PFKFB3: variants seen among roughly 807,000 people sequenced by gnomAD.
PFKFB3 encodes 6-phosphofructo-2-kinase/fructose-2,6-biphosphatase 3, also known as 6-phosphofructo-2-kinase/fructose-2,6-bisphosphatase 3.
In PFKFB3, 33 loss-of-function variants were observed where a neutral mutation model predicts 68.0. The observed-to-expected ratio is 0.49, with a 90% confidence interval of 0.37 to 0.65. The LOEUF is 0.65. PFKFB3 is among the 30% of genes least tolerant of loss of function. The probability of loss-of-function intolerance (pLI) is 0.00; values close to 1 mark genes in which losing one functional copy is unlikely to be tolerated. For missense variants in PFKFB3, 586 were observed against 712.2 expected (o/e 0.82, Z 2.02); for synonymous variants, 315 against 288.2 (o/e 1.09, Z -0.94).
At chr10:6,147,876 C>T (rs1841445184) in intron 1 of PFKFB3, among the ~76,000 whole-genome samples, 1 of 149,802 alleles carries the variant, frequency 6.7e-6, no homozygotes, top group African/African-American at 2.5e-5. Context: ...TCTGCTGGGA[C>T]ACAGAGCTGG....
At position 6,221,739 on chromosome 10, in the gene PFKFB3, CG is replaced by C; in HGVS notation, c.1081del (p.Glu361SerfsTer13). On this transcript the variant is annotated frameshift_variant, in exon 10 of 15. Coordinates refer to ENST00000379775, the MANE Select transcript of PFKFB3 (RefSeq NM_004566.4). LOFTEE classifies it high-confidence loss of function. ...ACAAGTACTATTACCGCTACCCCACCGGGGAGGTGAGCGCAGGCTGGGGCGG... is the reference window on the plus strand; with the variant it reads ...ACAAGTACTATTACCGCTACCCCACCGGGAGGTGAGCGCAGGCTGGGGCGG... ...QDKYYYRYPT[G>X]ESYQDLVQRL... 3 of 1,595,638 alleles carry C rather than the reference CG, an allele frequency of 1.9e-6. No individual in the cohort carries two copies. Among genetic ancestry groups the C allele is most frequent in the Non-Finnish European group, 8.5e-7 (1 of 1,171,934 alleles).
intron 1 of PFKFB3, among the ~76,000 whole-genome samples, chr10:6,177,480 CTTTCT>C (rs1564600010): frequency 5.0e-5 from 6 of 119,202 alleles, no homozygotes; most frequent in Admixed American, 4.6e-4. Flanking sequence ...TTCTTTCTTT[CTTTCT>C]TTTTCTTTTC....
At chr10:6,156,508 T>TTAC (rs1201580373) in intron 1 of PFKFB3, among the ~76,000 whole-genome samples, 1 of 151,422 alleles carries the variant, frequency 6.6e-6, no homozygotes, top group Non-Finnish European at 1.5e-5. Context: ...AATTAATTAC[T>TTAC]TTTTATTTAT....
chr10:6,195,900 C>T (rs949868746), intron 1 of PFKFB3, among the ~76,000 whole-genome samples: 14 of 152,200 alleles, frequency 9.2e-5, no homozygotes, highest in African/African-American at 3.1e-4. Context: ...CCCGTCACTA[C>T]TTAATGTGGC....
the PFKFB3 span, among the ~76,000 whole-genome samples, chr10:6,322,791 G>A: frequency 0.14 from 21,607 of 152,202 alleles, 1,651 homozygotes; most frequent in Non-Finnish European, 0.18. Context: ...TCTGAAAGAT[G>A]CCTTGCTGTC....
chr10:6,206,488 GTGGCCGGGCAGAGGGGCTCCTCA>G (rs1843702286), intron 1 of PFKFB3, among the ~76,000 whole-genome samples: 1 of 128,124 alleles, frequency 7.8e-6, no homozygotes, highest in Non-Finnish European at 1.6e-5. Context: ...AGACGGGGTG[GTGGCCGGGCAGAGGGGCTCCTCA>G]CTTCCCAGTA....
In PFKFB3 at chr10:6,220,796, C is replaced by T. The variant is rs772740743; in HGVS notation, c.762C>T (p.His254=). ...CGCGTACCATCTACCTGTGCCGGCA[C>T]GGCGAGAACGAGCACAACCTCCAGG... ...VQPRTIYLCR[H]GENEHNLQGR... is the part of the protein sequence containing the mutation. Residue 254 remains histidine (H), a synonymous_variant, in exon 8 of 15, where the codon CAC becomes CAT. Coordinates refer to ENST00000379775, the MANE Select transcript of PFKFB3 (RefSeq NM_004566.4). This position sits in a 1 kb window ranked among gnomAD's most constrained non-coding sequence, Gnocchi z 4.1. 2.7e-5 allele frequency: 43 copies of T among 1,613,768 alleles called. No individual in the cohort carries two copies. Among genetic ancestry groups the T allele is most frequent in the South Asian group, 2.1e-4 (19 of 91,094 alleles).
chr10:6,159,469 C>CG (rs1163620995), intron 1 of PFKFB3, among the ~76,000 whole-genome samples: 1 of 151,792 alleles, frequency 6.6e-6, no homozygotes, highest in South Asian at 2.1e-4. Context: ...GAGGCTGAGG[C>CG]GGGGGGATCA....
the PFKFB3 span, among the ~76,000 whole-genome samples, chr10:6,316,182 C>T: frequency 6.6e-6 from 1 of 152,182 alleles, no homozygotes; most frequent in Non-Finnish European, 1.5e-5. Context: ...ACCTTGGATC[C>T]TCCTTCAAGA....
At chr10:6,153,897 G>A (rs1841682843) in intron 1 of PFKFB3, among the ~76,000 whole-genome samples, 1 of 152,028 alleles carries the variant, frequency 6.6e-6, no homozygotes, top group Non-Finnish European at 1.5e-5. Flanking sequence ...CCGGGAGGGA[G>A]GATTGTGGTT....
downstream of PFKFB3, among the ~76,000 whole-genome samples, chr10:6,257,532 G>T (rs961849231): frequency 3.3e-5 from 5 of 152,178 alleles, no homozygotes; most frequent in Non-Finnish European, 5.9e-5. Context: ...ATGGAGGGCA[G>T]TTGAGGACCC....
upstream of PFKFB3, chr10:6,202,580 C>G (rs1233252316): frequency 2.0e-5 from 3 of 153,384 alleles, no homozygotes; most frequent in Non-Finnish European, 2.9e-5. Context: ...CTACACTGGG[C>G]AGGACTGCGT....
intron 1 of PFKFB3, among the ~76,000 whole-genome samples, chr10:6,193,954 G>A (rs772616035): frequency 6.6e-6 from 1 of 152,200 alleles, no homozygotes; most frequent in Non-Finnish European, 1.5e-5. Context: ...GTTGCTTCAG[G>A]CCATCTGGAT....
chr10:6,145,464 C>G (rs1407098861), intron 1 of PFKFB3, among the ~76,000 whole-genome samples: 1 of 152,194 alleles, frequency 6.6e-6, no homozygotes, highest in Non-Finnish European at 1.5e-5. Context: ...CCGCTGCGCT[C>G]CAGCCCCGGG....
intron 1 of PFKFB3, among the ~76,000 whole-genome samples, chr10:6,153,361 A>C (rs1841658537): frequency 6.6e-6 from 1 of 152,180 alleles, no homozygotes; most frequent in Non-Finnish European, 1.5e-5. Context: ...GTAAGTGCAG[A>C]GGCTGCGGCA....
At chr10:6,258,270 T>A (rs1158784351), downstream of PFKFB3, among the ~76,000 whole-genome samples, 1 of 152,180 alleles carries the variant, frequency 6.6e-6, no homozygotes, top group Non-Finnish European at 1.5e-5. Context: ...ATTGTGTTAC[T>A]ATAAGAGAGT....
chr10:6,229,041 C>A lies in PFKFB3; in HGVS notation c.1515+2676C>A. On this transcript the variant is annotated intron_variant, in intron 14 of 14. Coordinates refer to ENST00000379775, the MANE Select transcript of PFKFB3 (RefSeq NM_004566.4). This position sits in a 1 kb window ranked among gnomAD's most constrained non-coding sequence, Gnocchi z 4.3. ...CCACATGAAGTGTCATCCCCTTGCC[C>A]CCCCAAAAACACACCCGCCCCTTTA... The A allele has an allele frequency of 2.1e-6, 1 of 486,904 alleles. No individual in the cohort carries two copies. The highest frequency in any genetic ancestry group is 1.5e-5 in the South Asian group (1 of 65,604). 30.2% of individuals were successfully genotyped at this position (486,904 alleles called of 1,614,324 possible).
At chr10:6,322,102 AC>A in the PFKFB3 span, among the ~76,000 whole-genome samples, 1 of 152,136 alleles carries the variant, frequency 6.6e-6, no homozygotes, top group South Asian at 2.1e-4. Flanking sequence ...TTGCTGACTC[AC>A]AGGCGACTCA....
rs947665195 is a variant in PFKFB3 at position 6,228,356 on chromosome 10, G to T, written c.1515+1991G>T. 7 of 914,022 alleles carry T rather than the reference G, an allele frequency of 7.7e-6. No individual in the cohort carries two copies. The Middle Eastern group carries it at 1.1e-3, about 138-fold the overall frequency. 56.6% of individuals were successfully genotyped at this position (914,022 alleles called of 1,614,324 possible). A position where few individuals can be genotyped will look rare whatever the true frequency, so the allele number is the denominator to read the frequency against. ...CTTCCGTGGGGGAAGGAGGAGATGG[G>T]CGTAGGAGTAGGGAGGAGAGATTCC... On this transcript the variant is annotated intron_variant, in intron 14 of 14. Transcript: ENST00000379775. This position sits in a 1 kb window ranked among gnomAD's most constrained non-coding sequence, Gnocchi z 4.5.
Sources: allele counts gnomAD v4.1 joint callset (sites outside exome capture counted in the v4.1 genomes callset), GRCh38; gene constraint gnomAD v4.1.1; non-coding constraint Gnocchi (gnomAD v3.1); transcripts MANE v1.5; gene names NCBI Gene and HGNC (gene_info 2026-07-23, HGNC 2026-07-21).